The following RBPJ variants were observed in gnomAD, a reference collection of about 807,000 sequenced individuals.
The protein encoded by RBPJ is recombination signal binding protein for immunoglobulin kappa J region, also known as recombining binding protein suppressor of hairless.
In RBPJ, 9 loss-of-function variants were observed where a neutral mutation model predicts 67.8. That is an observed-to-expected ratio of 0.13 (90% CI 0.08 to 0.23). The LOEUF (loss-of-function observed/expected upper bound fraction) is 0.23, where lower values mean the gene tolerates loss of function less well. RBPJ is among the 10% of genes least tolerant of loss of function. The probability of loss-of-function intolerance (pLI) is 1.00; values close to 1 mark genes in which losing one functional copy is unlikely to be tolerated. For synonymous variants in RBPJ, 198 were observed against 203.3 expected, an observed-to-expected ratio of 0.97 and a Z score of 0.22; for missense variants, 305 against 595.6, an observed-to-expected ratio of 0.51 and a Z score of 5.08.
chr4:26,202,050 C>CT (rs1364012645), intron 1 of RBPJ, among the ~76,000 whole-genome samples: 1 of 152,178 alleles, frequency 6.6e-6, no homozygotes, highest in African/African-American at 2.4e-5. Flanking sequence ...TTGTCCTTCC[C>CT]TTTTTCTGGC....
chr4:26,339,864 C>T (rs1349897641), intron 1 of RBPJ, among the ~76,000 whole-genome samples: 1 of 152,004 alleles, frequency 6.6e-6, no homozygotes, highest in South Asian at 2.1e-4. Flanking sequence ...TACAAAAATA[C>T]AAAAATTAGC....
chr4:26,250,138 C>T (rs573864165), intron 1 of RBPJ, among the ~76,000 whole-genome samples: 16 of 151,916 alleles, frequency 1.1e-4, no homozygotes, highest in Non-Finnish European at 1.5e-5. Flanking sequence ...TTAAGCAATA[C>T]TTCCTCATTC....
At chr4:26,124,752 A>G in the RBPJ span, among the ~76,000 whole-genome samples, 1 of 151,964 alleles carries the variant, frequency 6.6e-6, no homozygotes, top group African/African-American at 2.4e-5. Context: ...TTATATTTTT[A>G]TATGCCTGGC....
chr4:26,297,156 C>T (rs772037819), intron 1 of RBPJ, among the ~76,000 whole-genome samples: 5 of 151,990 alleles, frequency 3.3e-5, no homozygotes, highest in African/African-American at 4.8e-5. Flanking sequence ...ATTATCCAGG[C>T]GTGGTGGCAG....
chr4:26,371,935 A>G (rs1729197906), intron 1 of RBPJ, among the ~76,000 whole-genome samples: 1 of 152,236 alleles, frequency 6.6e-6, no homozygotes, highest in Admixed American at 6.5e-5. Flanking sequence ...GGGGCTCATT[A>G]TCTTTAACCT....
rs554764747 is a variant in RBPJ, at chr4:26,257,237, C to T, written c.-167+93623C>T. Among the ~76,000 whole-genome samples the T allele has an allele frequency of 6.6e-5, 10 of 152,316 alleles. No individual in the cohort carries two copies. In the East Asian group the frequency reaches 1.9e-3, roughly 29 times the overall value. ...CTATCACATATTATTTTGTTACAGG[C>T]ACTTCTCCAAGCCTATTATATCTAG... On this transcript the variant is annotated intron_variant, in intron 1 of 4. Coordinates refer to the RBPJ transcript ENST00000512351.
chr4:26,419,463 T>C (rs1180446662), intron 4 of RBPJ, among the ~76,000 whole-genome samples: 2 of 152,216 alleles, frequency 1.3e-5, no homozygotes, highest in African/African-American at 4.8e-5. Context: ...GCAGTAGTTT[T>C]GTCTGCTACC....
In RBPJ at chr4:26,375,702, T is replaced by C. The variant is rs940937741; in HGVS notation, c.21-10651T>C. 1.1e-4 allele frequency among the ~76,000 whole-genome samples: 16 copies of C among 152,164 alleles called. 1 individual carries two copies. Among genetic ancestry groups the C allele is most frequent in the African/African-American group, 3.9e-4 (16 of 41,440 alleles). ...ACAAGCCAGTTTTCCATAATCACAT[T>C]GTGGATTTTCCATGGAAGATGTTCA... On this transcript the variant is annotated intron_variant, in intron 1 of 10. Coordinates refer to ENST00000355476, the MANE Select transcript of RBPJ (RefSeq NM_015874.6).
Position 26,374,409 on chromosome 4 carries a change from A to C in RBPJ, c.21-11944A>C, listed in dbSNP as rs977384697. Among the ~76,000 whole-genome samples, 9 of 151,842 alleles carry C rather than the reference A, an allele frequency of 5.9e-5. 1 individual carries two copies. The highest frequency in any genetic ancestry group is 2.6e-4 in the Admixed American group (4 of 15,238). On this transcript the variant is annotated intron_variant, in intron 1 of 10. Transcript: ENST00000355476. The stretch of plus-strand genomic sequence containing the variant: ...ACTCACACTAAATCAGTGCTATATC[A>C]TAGAAGGTTTTAGGTCAGTTAGTGC...
chr4:26,367,539 C>T (rs1033608154), intron 1 of RBPJ, among the ~76,000 whole-genome samples: 2 of 152,138 alleles, frequency 1.3e-5, no homozygotes, highest in Non-Finnish European at 2.9e-5. Flanking sequence ...ATAATAGGTG[C>T]TTCTTCAATT....
chr4:26,136,118 C>G, the RBPJ span, among the ~76,000 whole-genome samples: 1 of 152,180 alleles, frequency 6.6e-6, no homozygotes, highest in Admixed American at 6.5e-5. Context: ...TTCGCTACCA[C>G]AAGGACAGTA....
intron 2 of RBPJ, among the ~76,000 whole-genome samples, chr4:26,392,463 G>C (rs1731605991): frequency 6.6e-6 from 1 of 152,282 alleles, no homozygotes; most frequent in Middle Eastern, 3.4e-3. Flanking sequence ...ATTCTACAGT[G>C]AATTTCTATT....
intron 1 of RBPJ, among the ~76,000 whole-genome samples, chr4:26,236,525 T>C (rs952030695): frequency 3.3e-5 from 5 of 152,194 alleles, no homozygotes; most frequent in African/African-American, 7.2e-5. Context: ...GGCACTCACA[T>C]TGGCTGACAA....
the RBPJ span, among the ~76,000 whole-genome samples, chr4:26,139,543 G>A: frequency 3.9e-5 from 6 of 152,228 alleles, no homozygotes; most frequent in East Asian, 1.2e-3. Flanking sequence ...GTCCCCCCTG[G>A]GGCTGTGCTG....
At chr4:26,111,193 T>C in the RBPJ span, among the ~76,000 whole-genome samples, 1 of 149,258 alleles carries the variant, frequency 6.7e-6, no homozygotes, top group Non-Finnish European at 1.5e-5. Context: ...GAAAGGTGAT[T>C]GGCCCAGCCC....
At chr4:26,244,412 T>C (rs62409722) in intron 1 of RBPJ, among the ~76,000 whole-genome samples, 14 of 586 alleles carry the variant, frequency 0.024, 1 homozygote, top group Admixed American at 0.035. Context: ...TATGTGTGTA[T>C]ACATATGTGT....
chr4:26,326,744 A>G (rs879891239), intron 1 of RBPJ, among the ~76,000 whole-genome samples: 6 of 152,250 alleles, frequency 3.9e-5, no homozygotes, highest in Admixed American at 3.3e-4. Context: ...ACTTGTAAAC[A>G]GTAAAGCGTT....
intron 1 of RBPJ, among the ~76,000 whole-genome samples, chr4:26,301,611 A>T (rs1046393092): frequency 1.3e-5 from 2 of 151,634 alleles, no homozygotes; most frequent in South Asian, 4.2e-4. Context: ...AAAAGAAAAA[A>T]ATTTAAATTT....
chr4:26,191,210 TAGAGAGAG>T (rs545388933), intron 1 of RBPJ, among the ~76,000 whole-genome samples: 1,098 of 26,674 alleles, frequency 0.041, 29 homozygotes, highest in Non-Finnish European at 0.044. Flanking sequence ...TATATATATA[TAGAGAGAG>T]AGAGAGAGAG....
Sources: allele counts gnomAD v4.1 joint callset (sites outside exome capture counted in the v4.1 genomes callset), GRCh38; gene constraint gnomAD v4.1.1; transcripts MANE v1.5; gene names NCBI Gene and HGNC (gene_info 2026-07-23, HGNC 2026-07-21).